Variants in LRP5 observed in about 807,000 individuals in gnomAD.
LRP5 encodes the protein low-density lipoprotein receptor-related protein 5.
LRP5 carries 62 observed loss-of-function variants against 154.1 expected under a neutral mutation model. The observed-to-expected ratio is 0.40, with a 90% CI of 0.33 to 0.50. The LOEUF is 0.50. Among genes scored for constraint, LRP5 ranks in the 20% least tolerant of loss-of-function variants. The pLI is 0.55. For missense variants in LRP5, 1,915 were observed against 2,336.7 expected (o/e 0.82, Z 3.72); for synonymous variants, 966 against 1,011.5 (o/e 0.96, Z 0.85).
At chr11:68,401,361 C>T (rs1456027340) in intron 7 of LRP5, among the ~76,000 whole-genome samples, 3 of 152,198 alleles carry the variant, frequency 2.0e-5, no homozygotes, top group Admixed American at 6.5e-5. Flanking sequence ...CTTCCAGGCA[C>T]GGTCGCAGGG....
intron 3 of LRP5, among the ~76,000 whole-genome samples, chr11:68,363,012 C>G (rs181751905): frequency 2.0e-5 from 3 of 152,350 alleles, no homozygotes; most frequent in African/African-American, 7.2e-5. Flanking sequence ...TCATTACACC[C>G]GAGTCCTCAT....
chr11:68,415,313 G>A lies in LRP5; in HGVS notation c.2828-1015G>A, dbSNP rs934476551. 5.9e-5 allele frequency among the ~76,000 whole-genome samples: 9 copies of A among 152,270 alleles called. No homozygotes were observed. The South Asian group carries it at 1.0e-3, about 18-fold the overall frequency. On this transcript the variant is annotated intron_variant, in intron 12 of 22. Coordinates refer to ENST00000294304, the MANE Select transcript of LRP5 (RefSeq NM_002335.4). ...TCTCTCGGGCTTGTTGACTGTGCCC[G>A]GTTTTCCGCAGTTCACTGGTGCACA...
chr11:68,426,032 C>T lies in LRP5; in HGVS notation c.3482C>T (p.Thr1161Ile). Residue 1161 changes from threonine to isoleucine, a missense_variant, in exon 16 of 23, where the codon ACC (threonine) becomes ATC (isoleucine). By Grantham distance (89) the Thr-to-Ile change is moderately conservative (BLOSUM62 -1). Transcript: ENST00000294304. ...DANIVQPLGL[T>I]ILGKHLYWID... ...AACATCGTGCAGCCTCTGGGCCTGA[C>T]CATCCTTGGCAAGCATCTCTACTGG... The T allele has an allele frequency of 6.2e-7, 1 of 1,613,492 alleles. No homozygotes were observed. Among genetic ancestry groups the T allele is most frequent in the Non-Finnish European group, 8.5e-7 (1 of 1,180,018 alleles).
intron 3 of LRP5, among the ~76,000 whole-genome samples, chr11:68,361,041 C>T (rs1221334743): frequency 1.1e-4 from 12 of 111,054 alleles, no homozygotes; most frequent in Admixed American, 4.2e-4. Context: ...CGCGGTGGCT[C>T]ACGCCTGTAA....
chr11:68,396,800 C>T (rs767489307), intron 7 of LRP5, among the ~76,000 whole-genome samples: 5 of 152,140 alleles, frequency 3.3e-5, no homozygotes, highest in Non-Finnish European at 7.4e-5. Context: ...GTGGTTCCAG[C>T]CCTGGGCACC....
chr11:68,323,059 G>A (rs893777537), intron 1 of LRP5, among the ~76,000 whole-genome samples: 8 of 152,132 alleles, frequency 5.3e-5, no homozygotes, highest in African/African-American at 1.7e-4. Context: ...ATGCAAAAAA[G>A]GAATTATGGA....
chr11:68,445,480 C>A (rs1007437152), intron 21 of LRP5: 3 of 566,572 alleles, frequency 5.3e-6, no homozygotes, highest in South Asian at 1.7e-5. Context: ...GTCTGTCTGG[C>A]GTGAAAGGCA....
At chr11:68,393,266 C>T (rs1565071182) in intron 7 of LRP5, among the ~76,000 whole-genome samples, 1 of 152,210 alleles carries the variant, frequency 6.6e-6, no homozygotes, top group East Asian at 1.9e-4. Flanking sequence ...GTGAATAATG[C>T]TGCTGTGAAC....
At chr11:68,326,048 G>T (rs2098599452) in intron 1 of LRP5, among the ~76,000 whole-genome samples, 1 of 152,270 alleles carries the variant, frequency 6.6e-6, no homozygotes, top group South Asian at 2.1e-4. Flanking sequence ...CTGGTGGCCT[G>T]TGGGTTGCGC....
intron 1 of LRP5, among the ~76,000 whole-genome samples, chr11:68,340,016 G>A (rs368830511): frequency 6.6e-6 from 1 of 152,096 alleles, no homozygotes; most frequent in Non-Finnish European, 1.5e-5. Flanking sequence ...CAAGGCGGGC[G>A]GATCACCTGA....
In LRP5 at chr11:68,348,038, A is replaced by G. The variant is rs771960523; in HGVS notation, c.283A>G (p.Thr95Ala). The G allele has an allele frequency of 1.2e-6, 2 of 1,614,084 alleles. No individual in the cohort carries two copies. The highest frequency in any genetic ancestry group is 1.7e-6 in the Non-Finnish European group (2 of 1,180,020). ...CATCAAGCAGACCTACCTGAACCAG[A>G]CGGGGGCCGCCGTGCAGAACGTGGT... is the stretch of plus-strand genomic sequence containing the variant. Reference protein sequence around the residue: ...EAIKQTYLNQTGAAVQNVVIS... With the variant: ...EAIKQTYLNQAGAAVQNVVIS... Residue 95 changes from threonine to alanine, a missense_variant, in exon 2 of 23, where the codon ACG becomes GCG. By Grantham distance (58) the Thr-to-Ala change is moderately conservative (BLOSUM62 0). This residue lies in a region of LRP5 where 773 missense variants were observed against 1,100.9 expected (regional missense o/e 0.70). Coordinates refer to ENST00000294304, the MANE Select transcript of LRP5 (RefSeq NM_002335.4).
chr11:68,308,338 A>G (rs2098585215), upstream of LRP5, among the ~76,000 whole-genome samples: 2 of 152,222 alleles, frequency 1.3e-5, no homozygotes, highest in African/African-American at 4.8e-5. Flanking sequence ...ACTTTGCCCA[A>G]GTGTCACCGG....
chr11:68,395,166 T>C (rs533209265), intron 7 of LRP5, among the ~76,000 whole-genome samples: 2 of 152,070 alleles, frequency 1.3e-5, no homozygotes, highest in South Asian at 2.1e-4. Flanking sequence ...CCAGGCGTGA[T>C]GGTGCATACC....
the LRP5 span, among the ~76,000 whole-genome samples, chr11:68,305,524 C>T: frequency 6.6e-6 from 1 of 152,158 alleles, no homozygotes; most frequent in Non-Finnish European, 1.5e-5. Flanking sequence ...CTCACTACAA[C>T]CTCCTCCTCC....
Position 68,406,939 on chromosome 11 carries a change from A to C in LRP5, c.2091+126A>C, listed in dbSNP as rs549213024. On this transcript the variant is annotated intron_variant, in intron 9 of 22. Transcript: ENST00000294304. ...TATTTATTGTAACGCAGTTCAAGCT[A>C]ATCAAATATGAGCAAGCCTATTTAA... 301 of 969,652 alleles carry C rather than the reference A, an allele frequency of 3.1e-4. 2 individuals carry two copies. In the South Asian group the frequency reaches 4.0e-3, roughly 13 times the overall value. The allele number at this position is 969,652 out of a possible 1,614,324, so 60.1% of individuals were successfully genotyped here.
chr11:68,357,485 G>T (rs2098624049), intron 2 of LRP5, among the ~76,000 whole-genome samples, 165 bp from the exon 3 acceptor site: 1 of 152,212 alleles, frequency 6.6e-6, no homozygotes, highest in African/African-American at 2.4e-5. Context: ...TATTTTGATT[G>T]CCCAGCTTAA....
chr11:68,402,054 T>C (rs1165031659), intron 7 of LRP5, among the ~76,000 whole-genome samples: 1 of 152,224 alleles, frequency 6.6e-6, no homozygotes, highest in African/African-American at 2.4e-5. Flanking sequence ...TTTCTTAACA[T>C]GCATTCCATC....
At chr11:68,380,664 G>A (rs768556144) in intron 5 of LRP5, among the ~76,000 whole-genome samples, 1 of 152,082 alleles carries the variant, frequency 6.6e-6, no homozygotes, top group African/African-American at 2.4e-5. Flanking sequence ...GGAGCTGCAC[G>A]CAGTGGGGCG....
chr11:68,332,716 A>G (rs936158518), intron 1 of LRP5, among the ~76,000 whole-genome samples: 3 of 152,166 alleles, frequency 2.0e-5, no homozygotes, highest in Non-Finnish European at 2.9e-5. Flanking sequence ...TCATGTAGAG[A>G]GAGCCCTTGT....
Sources: allele counts gnomAD v4.1 joint callset (sites outside exome capture counted in the v4.1 genomes callset), GRCh38; gene constraint gnomAD v4.1.1; regional missense constraint gnomAD v4.1.1; transcripts MANE v1.5; gene names NCBI Gene and HGNC (gene_info 2026-07-23, HGNC 2026-07-21).